NDUFB3: variants seen among roughly 807,000 people sequenced by gnomAD.
NDUFB3 encodes NADH:ubiquinone oxidoreductase subunit B3, also known as NADH dehydrogenase [ubiquinone] 1 beta subcomplex subunit 3.
NDUFB3 carries 7 observed loss-of-function variants against 9.0 expected under a neutral mutation model. The ratio of observed to expected loss-of-function variants is 0.78; its 90% CI spans 0.44 to 1.46. The LOEUF is 1.46. NDUFB3 is among the 40% of genes most tolerant of loss of function. The pLI is 0.01. For missense variants in NDUFB3, 93 were observed against 115.4 expected (o/e 0.81, Z 0.89); for synonymous variants, 29 against 38.5 (o/e 0.75, Z 0.91).
At chr2:201,076,957 G>A (rs1273248593) in intron 1 of NDUFB3, among the ~76,000 whole-genome samples, 5 of 151,746 alleles carry the variant, frequency 3.3e-5, no homozygotes, top group East Asian at 2.0e-4. Context: ...AAAATTAGCC[G>A]GGCATGGTGG....
chr2:201,077,714 C>T (rs10194168), intron 1 of NDUFB3, among the ~76,000 whole-genome samples: 33,026 of 152,166 alleles, frequency 0.22, 4,448 homozygotes, highest in African/African-American at 0.37. Flanking sequence ...AATTTGTAGT[C>T]AGTTACTTAC....
chr2:201,072,882 C>T (rs1161214889), intron 1 of NDUFB3, among the ~76,000 whole-genome samples: 1 of 152,038 alleles, frequency 6.6e-6, no homozygotes, highest in African/African-American at 2.4e-5. Flanking sequence ...GCAGTCTTAA[C>T]AGGGGTGATT....
At chr2:201,085,383 G>A (rs1441791482) in intron 2 of NDUFB3, 76 bp from the exon 3 acceptor site, 1 of 1,150,528 alleles carries the variant, frequency 8.7e-7, no homozygotes, top group African/African-American at 1.5e-5. Context: ...CAATTAGAAA[G>A]ATGAAAATTA....
At chr2:201,081,989 G>T (rs1182537907) in intron 2 of NDUFB3, among the ~76,000 whole-genome samples, 1 of 151,354 alleles carries the variant, frequency 6.6e-6, no homozygotes, top group African/African-American at 2.4e-5. Flanking sequence ...CTAATTTTTT[G>T]TATTTTTTAG....
chr2:201,076,322 C>T (rs1007029606), intron 1 of NDUFB3, among the ~76,000 whole-genome samples: 1 of 151,740 alleles, frequency 6.6e-6, no homozygotes, highest in Non-Finnish European at 1.5e-5. Flanking sequence ...CCAGCCTGCA[C>T]AACATAGGGA....
At chr2:201,084,528 T>C (rs903111987) in intron 2 of NDUFB3, among the ~76,000 whole-genome samples, 4 of 152,082 alleles carry the variant, frequency 2.6e-5, no homozygotes, top group African/African-American at 7.2e-5. Context: ...TCCCAGCTAC[T>C]TGGGAGGCTG....
At position 201,084,457 on chromosome 2, in the gene NDUFB3, CATAA is replaced by C. The variant is rs1306136656; in HGVS notation, c.141-992_141-989del. Among the ~76,000 whole-genome samples, 13 of 151,814 alleles carry C rather than the reference CATAA, an allele frequency of 8.6e-5. No homozygotes were observed. In the East Asian group the frequency reaches 1.4e-3, roughly 16 times the overall value. On this transcript the variant is annotated intron_variant, in intron 2 of 2. Coordinates refer to ENST00000237889, the MANE Select transcript of NDUFB3 (RefSeq NM_002491.3). ...CCTGGGCAACAGATTGAGACTCTGT[CATAA>C]ATAAATAAACAAACAAACAAACAAA...
At chr2:201,079,168 C>T (rs995718647) in intron 2 of NDUFB3, 146 bp downstream of exon 2, 13 of 955,798 alleles carry the variant, frequency 1.4e-5, no homozygotes, top group South Asian at 3.9e-5. Context: ...GTTTTTGAGA[C>T]GGTGTCTTGC....
chr2:201,083,351 C>CTTTTTTTTTTTTTTTTTTTTT (rs748310803), intron 2 of NDUFB3, among the ~76,000 whole-genome samples: 1 of 119,984 alleles, frequency 8.3e-6, no homozygotes, highest in Admixed American at 8.6e-5. Flanking sequence ...TTTATTATTT[C>CTTTTTTTTTTTTTTTTTTTTT]TTTTTTTTTT....
At chr2:201,078,818 A>G in intron 1 of NDUFB3, 63 bp from the exon 2 acceptor site, 28 of 1,457,546 alleles carry the variant, frequency 1.9e-5, no homozygotes, top group Non-Finnish European at 2.5e-5. Flanking sequence ...ATAAACAATA[A>G]ATTTGGGTAT....
At chr2:201,076,722 C>T (rs1226539616) in intron 1 of NDUFB3, among the ~76,000 whole-genome samples, 5 of 151,434 alleles carry the variant, frequency 3.3e-5, no homozygotes, top group Non-Finnish European at 7.4e-5. Context: ...TGGGTTCAAG[C>T]GATTCTCATC....
intron 1 of NDUFB3, among the ~76,000 whole-genome samples, chr2:201,077,861 A>G (rs771801369): frequency 2.0e-5 from 3 of 152,210 alleles, no homozygotes; most frequent in Non-Finnish European, 2.9e-5. Flanking sequence ...CTTTAAAGAA[A>G]CCTTTCATGT....
At chr2:201,082,425 C>CA (rs2047237642) in intron 2 of NDUFB3, among the ~76,000 whole-genome samples, 1 of 151,832 alleles carries the variant, frequency 6.6e-6, no homozygotes, top group African/African-American at 2.4e-5. Flanking sequence ...CCGCCATGCC[C>CA]AGCTAATTTT....
Position 201,085,743 on chromosome 2 carries a change from T to A in NDUFB3, c.*128T>A. On this transcript the variant is annotated 3_prime_UTR_variant, in exon 3 of 3. Coordinates refer to ENST00000237889, the MANE Select transcript of NDUFB3 (RefSeq NM_002491.3). ...GATTTAATCAATTAAAATATATATA[T>A]ATGCCAATCTGCTTTTGTCATTCTT... is the stretch of plus-strand genomic sequence containing the variant. 1.5e-6 allele frequency: 1 copy of A among 689,000 alleles called. No individual in the cohort carries two copies. The highest frequency in any genetic ancestry group is 2.2e-6 in the Non-Finnish European group (1 of 460,260). 42.7% of individuals were successfully genotyped at this position (689,000 alleles called of 1,614,324 possible).
Position 201,085,730 on chromosome 2 carries a change from T to A in NDUFB3, c.*115T>A. 1.4e-6 allele frequency: 1 copy of A among 738,968 alleles called. No homozygotes were observed. The highest frequency in any genetic ancestry group is 2.0e-6 in the Non-Finnish European group (1 of 496,752). The allele number at this position is 738,968 out of a possible 1,614,324, so 45.8% of individuals were successfully genotyped here. A position where few individuals can be genotyped will look rare whatever the true frequency, so the allele number is the denominator to read the frequency against. On this transcript the variant is annotated 3_prime_UTR_variant, in exon 3 of 3. Transcript: ENST00000237889. Reference sequence around the variant, plus strand: ...AGAATATTAGTAAGATTTAATCAATTAAAATATATATATATGCCAATCTGC... The same window carrying A: ...AGAATATTAGTAAGATTTAATCAATAAAAATATATATATATGCCAATCTGC...
At chr2:201,080,143 G>C (rs2047207159) in intron 2 of NDUFB3, among the ~76,000 whole-genome samples, 1 of 151,996 alleles carries the variant, frequency 6.6e-6, no homozygotes, top group Non-Finnish European at 1.5e-5. Context: ...GTTCATTTTT[G>C]TGTCATATGA....
intron 2 of NDUFB3, among the ~76,000 whole-genome samples, chr2:201,079,525 C>T (rs1308961696): frequency 6.6e-6 from 1 of 152,084 alleles, no homozygotes; most frequent in East Asian, 1.9e-4. Context: ...TCACAGCAAC[C>T]TCCATCTCCC....
chr2:201,078,782 T>A (rs933271379), intron 1 of NDUFB3, 99 bp from the exon 2 acceptor site: 42 of 1,154,440 alleles, frequency 3.6e-5, no homozygotes, highest in South Asian at 4.8e-5. Flanking sequence ...CTTTTTTTTT[T>A]AATATTAAAT....
chr2:201,072,787 T>A (rs1465832176), intron 1 of NDUFB3, among the ~76,000 whole-genome samples: 1 of 152,184 alleles, frequency 6.6e-6, no homozygotes, highest in African/African-American at 2.4e-5. Flanking sequence ...ACATACATTT[T>A]AAAAAATTAT....
Sources: allele counts gnomAD v4.1 joint callset (sites outside exome capture counted in the v4.1 genomes callset), GRCh38; gene constraint gnomAD v4.1.1; transcripts MANE v1.5; gene names NCBI Gene and HGNC (gene_info 2026-07-23, HGNC 2026-07-21).